LYPLAL1: variants seen among roughly 807,000 people sequenced by gnomAD.
LYPLAL1 encodes the protein lysophospholipase-like protein 1.
LYPLAL1 carries 23 observed loss-of-function variants against 19.7 expected under a neutral mutation model. The observed-to-expected ratio is 1.17, with a 90% CI of 0.84 to 1.65. The LOEUF is 1.65. Ranked by LOEUF, LYPLAL1 falls within the 40% of genes most tolerant of loss-of-function variation. LYPLAL1 has a pLI of 0.00. For synonymous variants in LYPLAL1, 119 were observed against 96.3 expected (o/e 1.24, Z -1.38); for missense variants, 355 against 279.4 (o/e 1.27, Z -1.93).
chr1:219,188,748 GTTGA>G (rs1290121016), intron 2 of LYPLAL1, among the ~76,000 whole-genome samples: 1 of 150,984 alleles, frequency 6.6e-6, no homozygotes, highest in Non-Finnish European at 1.5e-5. Context: ...TAATGGGTTG[GTTGA>G]TTGATTAACT....
At chr1:219,244,925 A>C in the LYPLAL1 span, among the ~76,000 whole-genome samples, 2 of 150,706 alleles carry the variant, frequency 1.3e-5, no homozygotes, top group African/African-American at 4.9e-5. Context: ...AAAAAAAAAA[A>C]AACAAAAAAC....
downstream of LYPLAL1, among the ~76,000 whole-genome samples, chr1:219,214,930 T>A (rs547913812): frequency 6.6e-6 from 1 of 152,206 alleles, no homozygotes; most frequent in Non-Finnish European, 1.5e-5. Context: ...CCTCAAGTGA[T>A]CTACCCACCT....
At chr1:219,252,625 G>T in the LYPLAL1 span, among the ~76,000 whole-genome samples, 1 of 152,170 alleles carries the variant, frequency 6.6e-6, no homozygotes, top group Non-Finnish European at 1.5e-5. Flanking sequence ...TCCATCTCAG[G>T]GATGAAGCCT....
the LYPLAL1 span, among the ~76,000 whole-genome samples, chr1:219,276,533 T>C: frequency 1.3e-5 from 2 of 152,204 alleles, no homozygotes; most frequent in African/African-American, 4.8e-5. Flanking sequence ...TCCAATATCT[T>C]AATGGAAACT....
chr1:219,193,058 TG>T (rs60036848), intron 2 of LYPLAL1, 23 bp from the exon 3 acceptor site: 65 of 1,192,802 alleles, frequency 5.4e-5, no homozygotes, highest in East Asian at 2.6e-4. Flanking sequence ...TCTTTTTTTT[TG>T]GGGGGGGGCG....
the LYPLAL1 span, among the ~76,000 whole-genome samples, chr1:219,357,463 C>A: frequency 6.6e-6 from 1 of 152,092 alleles, no homozygotes; most frequent in African/African-American, 2.4e-5. Context: ...CATCACACAT[C>A]ATTAAGGAAA....
the LYPLAL1 span, among the ~76,000 whole-genome samples, chr1:219,289,987 C>G: frequency 6.6e-6 from 1 of 152,126 alleles, no homozygotes; most frequent in African/African-American, 2.4e-5. Context: ...TCCTCTAAAT[C>G]CAGATAACCT....
the LYPLAL1 span, among the ~76,000 whole-genome samples, chr1:219,298,130 C>T: frequency 3.2e-4 from 48 of 152,038 alleles, no homozygotes; most frequent in Admixed American, 2.0e-4. Context: ...GGTAACATGG[C>T]GAAACCTCAT....
At chr1:219,381,250 C>A in the LYPLAL1 span, among the ~76,000 whole-genome samples, 3 of 152,136 alleles carry the variant, frequency 2.0e-5, no homozygotes, top group Admixed American at 2.0e-4. Flanking sequence ...TGCCTGCTGC[C>A]ATGTAAGAAG....
At chr1:219,400,159 G>A in the LYPLAL1 span, among the ~76,000 whole-genome samples, 55 of 152,156 alleles carry the variant, frequency 3.6e-4, 3 homozygotes, top group East Asian at 0.011. Flanking sequence ...TTCCCCTTCA[G>A]CCCAGCTTCT....
the LYPLAL1 span, among the ~76,000 whole-genome samples, chr1:219,286,542 G>A: frequency 6.6e-6 from 1 of 152,158 alleles, no homozygotes; most frequent in Non-Finnish European, 1.5e-5. Context: ...GCATCCTTAT[G>A]TAAAATGCAT....
the LYPLAL1 span, among the ~76,000 whole-genome samples, chr1:219,284,197 G>T: frequency 1.3e-5 from 2 of 152,190 alleles, no homozygotes; most frequent in Admixed American, 1.3e-4. Flanking sequence ...CAGCCATGCA[G>T]AACTGTGAGT....
rs906426049 is a variant in LYPLAL1 at position 219,211,869 on chromosome 1, A to G, written c.*141A>G. 1.3e-4 allele frequency: 66 copies of G among 527,190 alleles called. No individual in the cohort carries two copies. In the Middle Eastern group the frequency reaches 2.0e-3, roughly 16 times the overall value. The allele number at this position is 527,190 out of a possible 1,614,324, so 32.7% of individuals were successfully genotyped here. A position where few individuals can be genotyped will look rare whatever the true frequency, so the allele number is the denominator to read the frequency against. ...ATTATTAAAATGCTTATCACTGTAG[A>G]CAGTAGCTAATCTTATTAATGAAAA... is the stretch of plus-strand genomic sequence containing the variant. On this transcript the variant is annotated 3_prime_UTR_variant, in exon 5 of 5. Coordinates refer to ENST00000366928, the MANE Select transcript of LYPLAL1 (RefSeq NM_138794.5).
At chr1:219,360,698 G>A in the LYPLAL1 span, among the ~76,000 whole-genome samples, 2 of 152,214 alleles carry the variant, frequency 1.3e-5, no homozygotes, top group Non-Finnish European at 2.9e-5. Context: ...AGATGTAAGA[G>A]GACACTTGCT....
chr1:219,309,227 T>C, the LYPLAL1 span, among the ~76,000 whole-genome samples: 2 of 152,208 alleles, frequency 1.3e-5, no homozygotes, highest in African/African-American at 4.8e-5. Flanking sequence ...TTCTCCCATC[T>C]GGAATGGCTG....
the LYPLAL1 span, among the ~76,000 whole-genome samples, chr1:219,260,106 A>G: frequency 6.6e-6 from 1 of 152,152 alleles, no homozygotes; most frequent in Admixed American, 6.6e-5. Flanking sequence ...TTTTTAAAAG[A>G]AGAAAAATGA....
At chr1:219,213,771 T>G (rs1295458558), downstream of LYPLAL1, among the ~76,000 whole-genome samples, 3 of 152,234 alleles carry the variant, frequency 2.0e-5, no homozygotes, top group South Asian at 2.1e-4. Flanking sequence ...GGAGCTCAAT[T>G]ATTAATTTTA....
chr1:219,368,972 T>C, the LYPLAL1 span, among the ~76,000 whole-genome samples: 1 of 152,262 alleles, frequency 6.6e-6, no homozygotes, highest in Non-Finnish European at 1.5e-5. Flanking sequence ...TTTATTTATA[T>C]TCCAGTTAAG....
chr1:219,180,294 A>G (rs1462934974), intron 2 of LYPLAL1, among the ~76,000 whole-genome samples: 1 of 152,076 alleles, frequency 6.6e-6, no homozygotes, highest in African/African-American at 2.4e-5. Context: ...CCTGTTCTTG[A>G]TTTTTTTCTT....
Sources: gnomAD v4.1 joint callset for allele counts (sites outside exome capture counted in the v4.1 genomes callset) on GRCh38, gnomAD v4.1.1 for gene constraint, MANE v1.5 for transcripts, NCBI Gene and HGNC (gene_info 2026-07-23, HGNC 2026-07-21) for gene names.